Variants in BACH2 observed in about 807,000 individuals in gnomAD.
BACH2 encodes the protein BACH transcriptional regulator 2, also known as transcription regulator protein BACH2.
A neutral mutation model predicts 61.8 loss-of-function variants in BACH2; 5 were observed. The observed-to-expected ratio is 0.08, with a 90% CI of 0.04 to 0.17. The LOEUF (loss-of-function observed/expected upper bound fraction) is 0.17, where lower values mean the gene tolerates loss of function less well. Ranked by LOEUF, BACH2 falls within the 10% of genes least tolerant of loss-of-function variation. BACH2 has a pLI of 1.00. For synonymous variants in BACH2, 446 were observed against 440.1 expected, an observed-to-expected ratio of 1.01 and a Z score of -0.17; for missense variants, 824 against 1,091.1, an observed-to-expected ratio of 0.76 and a Z score of 3.45.
chr6:90,064,828 T>G (rs1780861902), intron 5 of BACH2, among the ~76,000 whole-genome samples: 1 of 152,180 alleles, frequency 6.6e-6, no homozygotes, highest in Non-Finnish European at 1.5e-5. Context: ...TGTACATCAT[T>G]GTATCCCAGC....
intron 4 of BACH2, among the ~76,000 whole-genome samples, chr6:90,202,611 T>A (rs994169976): frequency 6.6e-6 from 1 of 152,180 alleles, no homozygotes; most frequent in Non-Finnish European, 1.5e-5. Context: ...AGATCCTTTT[T>A]CATGATGGGG....
At chr6:90,154,041 A>G (rs183600886) in intron 4 of BACH2, among the ~76,000 whole-genome samples, 29 of 152,314 alleles carry the variant, frequency 1.9e-4, no homozygotes, top group Admixed American at 1.8e-3. Context: ...ATATCATTCC[A>G]ATCTCTATCT....
chr6:90,242,859 T>C (rs1239631116), intron 3 of BACH2, among the ~76,000 whole-genome samples: 1 of 152,038 alleles, frequency 6.6e-6, no homozygotes, highest in Non-Finnish European at 1.5e-5. Context: ...CTTTGGGCTG[T>C]TGACTTTGGG....
Position 89,931,392 on chromosome 6 carries a change from G to A in BACH2, c.*1016C>T, listed in dbSNP as rs1772633582. 6.5e-6 allele frequency: 1 copy of A among 152,672 alleles called. No individual in the cohort carries two copies. Among genetic ancestry groups the A allele is most frequent in the African/African-American group, 2.4e-5 (1 of 41,412 alleles). 9.5% of individuals were successfully genotyped at this position (152,672 alleles called of 1,614,324 possible). A position where few individuals can be genotyped will look rare whatever the true frequency, so the allele number is the denominator to read the frequency against. ...ACATCCTAGGATGAATTCATTATTT[G>A]GCAAGATTGTTTTTCCTACATAATT... On this transcript the variant is annotated 3_prime_UTR_variant, in exon 9 of 9. Transcript: ENST00000257749.
At chr6:90,265,168 G>A (rs978072732) in intron 2 of BACH2, among the ~76,000 whole-genome samples, 1 of 152,148 alleles carries the variant, frequency 6.6e-6, no homozygotes, top group Non-Finnish European at 1.5e-5. Context: ...TTCACACATG[G>A]GGCCCACATT....
At chr6:90,054,800 G>C (rs2127796004) in intron 5 of BACH2, among the ~76,000 whole-genome samples, 1 of 152,320 alleles carries the variant, frequency 6.6e-6, no homozygotes, top group Non-Finnish European at 1.5e-5. Context: ...TCAGGCAGCA[G>C]CATCTGTGGT....
chr6:89,989,132 G>C (rs962476923), intron 6 of BACH2, among the ~76,000 whole-genome samples: 2 of 152,224 alleles, frequency 1.3e-5, no homozygotes, highest in African/African-American at 4.8e-5. Flanking sequence ...GAGCAAGAAA[G>C]AAGGCCCTGT....
chr6:90,286,098 C>T (rs953233), intron 1 of BACH2, among the ~76,000 whole-genome samples: 16,029 of 152,180 alleles, frequency 0.11, 1,169 homozygotes, highest in East Asian at 0.36. Flanking sequence ...TGAAATCTCA[C>T]GAGCCAGTTA....
chr6:90,121,712 T>C (rs1437534923), intron 4 of BACH2, among the ~76,000 whole-genome samples: 1 of 151,728 alleles, frequency 6.6e-6, no homozygotes, highest in South Asian at 2.1e-4. Flanking sequence ...ACCCAGCTAA[T>C]TTTTTGTATT....
intron 4 of BACH2, among the ~76,000 whole-genome samples, chr6:90,103,687 T>C (rs1782776994): frequency 6.6e-6 from 1 of 152,194 alleles, no homozygotes; most frequent in African/African-American, 2.4e-5. Context: ...ACAGGTTGTC[T>C]CACTATCATC....
intron 3 of BACH2, among the ~76,000 whole-genome samples, chr6:90,241,855 A>T (rs1770465163): frequency 6.6e-6 from 1 of 152,168 alleles, no homozygotes; most frequent in Non-Finnish European, 1.5e-5. Context: ...ATTATATGAA[A>T]GACATTATAC....
chr6:89,974,791 C>A (rs1038239773), intron 6 of BACH2, among the ~76,000 whole-genome samples: 1 of 152,198 alleles, frequency 6.6e-6, no homozygotes, highest in Non-Finnish European at 1.5e-5. Flanking sequence ...GAGCTCAATG[C>A]ATAATTGCAT....
At chr6:90,052,692 G>A (rs1386996207) in intron 5 of BACH2, among the ~76,000 whole-genome samples, 1 of 152,152 alleles carries the variant, frequency 6.6e-6, no homozygotes, top group Non-Finnish European at 1.5e-5. Context: ...AAGTGCTGGG[G>A]TTACAGGCAT....
intron 3 of BACH2, among the ~76,000 whole-genome samples, chr6:90,207,264 G>A (rs916474726): frequency 1.4e-4 from 22 of 151,906 alleles, no homozygotes; most frequent in Admixed American, 7.9e-4. Context: ...GGCTACAGGC[G>A]TGCACCACTA....
chr6:90,277,152 TA>T (rs1453733184), intron 1 of BACH2, among the ~76,000 whole-genome samples: 1 of 152,212 alleles, frequency 6.6e-6, no homozygotes, highest in African/African-American at 2.4e-5. Context: ...ATTTAACTCC[TA>T]AATATGCCCA....
At chr6:90,080,786 G>T (rs1455398646) in intron 5 of BACH2, 1 of 985,170 alleles carries the variant, frequency 1.0e-6, no homozygotes, top group African/African-American at 1.7e-5. Context: ...CCAGAAACTA[G>T]AGGAAATGTT....
chr6:90,245,253 G>T (rs190841089), intron 3 of BACH2, among the ~76,000 whole-genome samples: 9 of 151,686 alleles, frequency 5.9e-5, no homozygotes, highest in East Asian at 3.9e-4. Context: ...AATTATTTAA[G>T]CATTGCAAAC....
At chr6:90,103,052 A>T (rs1200241192) in intron 4 of BACH2, among the ~76,000 whole-genome samples, 74 of 18,404 alleles carry the variant, frequency 4.0e-3, no homozygotes, top group African/African-American at 9.5e-3. Flanking sequence ...TTTTTTTTTT[A>T]CCAGACTATA....
rs964943784 is a variant in BACH2 at position 89,956,173 on chromosome 6, C to T, written c.244-4311G>A. On this transcript the variant is annotated intron_variant, in intron 6 of 8. Coordinates refer to ENST00000257749, the MANE Select transcript of BACH2 (RefSeq NM_021813.4). ...TGAAAATATTTTGAATGCCTCATTT[C>T]GAAGAACATTTTTTCATTGCACTTA... Among the ~76,000 whole-genome samples, 4 of 152,122 alleles carry T rather than the reference C, an allele frequency of 2.6e-5. No homozygotes were observed. The East Asian group carries it at 5.8e-4, about 22-fold the overall frequency.
Sources: gnomAD v4.1 joint callset for allele counts (sites outside exome capture counted in the v4.1 genomes callset) on GRCh38, gnomAD v4.1.1 for gene constraint, MANE v1.5 for transcripts, NCBI Gene and HGNC (gene_info 2026-07-23, HGNC 2026-07-21) for gene names.